Variants in MDM1 observed in about 807,000 individuals in gnomAD.
The protein encoded by MDM1 is stabilizer of axonemal microtubules 6.
Under a neutral mutation model 89.1 loss-of-function variants are expected in MDM1, and 61 were observed. The observed-to-expected ratio is 0.68, with a 90% CI of 0.56 to 0.85. MDM1 has a LOEUF of 0.85. Ranked by LOEUF, MDM1 falls within the 40% of genes least tolerant of loss-of-function variation. The pLI, the probability that MDM1 is intolerant of heterozygous loss-of-function variation, is 0.00. For synonymous variants in MDM1, 290 were observed against 294.1 expected, an observed-to-expected ratio of 0.99 and a Z score of 0.14; for missense variants, 820 against 846.5, an observed-to-expected ratio of 0.97 and a Z score of 0.39.
chr12:68,331,762 C>T (rs1876854798), intron 1 of MDM1, among the ~76,000 whole-genome samples: 1 of 152,190 alleles, frequency 6.6e-6, no homozygotes, highest in Non-Finnish European at 1.5e-5. Context: ...TTTTAACATA[C>T]GCTAAGAATG....
At chr12:68,307,835 G>C (rs1873110716) in intron 12 of MDM1, among the ~76,000 whole-genome samples, 1 of 151,560 alleles carries the variant, frequency 6.6e-6, no homozygotes, top group Non-Finnish European at 1.5e-5. Flanking sequence ...CTATTTGGGA[G>C]GCTGAGGCAT....
chr12:68,325,670 C>T (rs1206003827), intron 3 of MDM1, 95 bp from the exon 4 acceptor site: 73 of 1,372,834 alleles, frequency 5.3e-5, no homozygotes, highest in African/African-American at 1.5e-4. Flanking sequence ...GAAATCTATC[C>T]TCTTAACAAA....
chr12:68,297,010 A>T (rs1871490793), intron 13 of MDM1, 28 bp from the exon 14 acceptor site: 1 of 1,554,234 alleles, frequency 6.4e-7, no homozygotes, highest in African/African-American at 1.4e-5. Flanking sequence ...AGAATAAATT[A>T]TCCTTCAAAA....
At chr12:68,308,992 T>A (rs1206384026) in intron 12 of MDM1, among the ~76,000 whole-genome samples, 1 of 152,178 alleles carries the variant, frequency 6.6e-6, no homozygotes, top group African/African-American at 2.4e-5. Flanking sequence ...TACCAACACC[T>A]CCTACGTGGA....
In MDM1 at chr12:68,311,367, C is replaced by G. The variant is rs1873658496; in HGVS notation, c.1749+2076G>C. Among the ~76,000 whole-genome samples, 3 of 152,184 alleles carry G rather than the reference C, an allele frequency of 2.0e-5. No individual in the cohort carries two copies. In the South Asian group the frequency reaches 6.2e-4, roughly 32 times the overall value. ...TCTCCCACTCTCTGAGAAGACTACT[C>G]TATGCCTTCACTTTCCTCAAATCTC... On this transcript the variant is annotated intron_variant, in intron 12 of 14. Coordinates refer to ENST00000682720, the MANE Select transcript of MDM1 (RefSeq NM_001354969.2).
At chr12:68,318,168 A>G (rs1391986857) in intron 7 of MDM1, among the ~76,000 whole-genome samples, 2 of 152,230 alleles carry the variant, frequency 1.3e-5, no homozygotes, top group African/African-American at 4.8e-5. Context: ...TTGTCATAAT[A>G]TTGATGGGGG....
intron 8 of MDM1, 51 bp downstream of exon 8, chr12:68,316,530 T>TTAC: frequency 7.0e-7 from 1 of 1,432,160 alleles, no homozygotes; most frequent in Non-Finnish European, 9.4e-7. Flanking sequence ...CCAACTGAAA[T>TTAC]TACACAAGTA....
At chr12:68,329,063 A>C (rs1876416554) in intron 2 of MDM1, among the ~76,000 whole-genome samples, 1 of 152,218 alleles carries the variant, frequency 6.6e-6, no homozygotes, top group Non-Finnish European at 1.5e-5. Context: ...TGAATTTTCC[A>C]GTGTCATAAT....
intron 5 of MDM1, among the ~76,000 whole-genome samples, chr12:68,321,926 T>C (rs1310691766): frequency 6.6e-6 from 1 of 152,244 alleles, no homozygotes. Flanking sequence ...ATCTAAATAA[T>C]GTTACCACAT....
rs1040637996 is a variant in MDM1 at position 68,321,711 on chromosome 12, G to C, written c.802-83C>G. 3.8e-6 allele frequency: 3 copies of C among 782,900 alleles called. No homozygotes were observed. In the African/African-American group the frequency reaches 5.2e-5, roughly 14 times the overall value. The allele number at this position is 782,900 out of a possible 1,614,324, so 48.5% of individuals were successfully genotyped here. On this transcript the variant is annotated intron_variant, in intron 5 of 14. Coordinates refer to ENST00000682720, the MANE Select transcript of MDM1 (RefSeq NM_001354969.2). Reference sequence around the variant, plus strand: ...ACATGCATGTTATAAAGTTAGACTTGAATATTTAATGACATTTCTATTTTT... The same window carrying C: ...ACATGCATGTTATAAAGTTAGACTTCAATATTTAATGACATTTCTATTTTT...
chr12:68,332,326 C>G lies in MDM1; in HGVS notation c.-81G>C, dbSNP rs1000736385. ...GAGGGGGCGGGGCGATAACAGTGTT[C>G]CCTAGCAAAGCCTCGGCCCGGCGTC... is the stretch of plus-strand genomic sequence containing the variant. On this transcript the variant is annotated 5_prime_UTR_variant, in exon 1 of 15. Coordinates refer to ENST00000682720, the MANE Select transcript of MDM1 (RefSeq NM_001354969.2). The G allele has an allele frequency of 4.8e-6, 7 of 1,462,378 alleles. No individual in the cohort carries two copies. The African/African-American group carries it at 1.0e-4, about 21-fold the overall frequency. The allele number at this position is 1,462,378 out of a possible 1,614,324, so 90.6% of individuals were successfully genotyped here.
chr12:68,318,775 C>T (rs1874828458), intron 7 of MDM1, among the ~76,000 whole-genome samples: 1 of 152,162 alleles, frequency 6.6e-6, no homozygotes, highest in African/African-American at 2.4e-5. Context: ...GTAATGTTAT[C>T]ATATTATATA....
Position 68,302,744 on chromosome 12 carries a change from T to C in MDM1, c.1878A>G (p.Ser626=), listed in dbSNP as rs781457793. ...HKFAEATLPV[S]KIPKYPTNPP... The stretch of plus-strand genomic sequence containing the variant: ...GATTTGTTGGGTATTTTGGAATTTT[T>C]GAAACTGGAAGAGTTGCCTCAGCAA... Residue 626 remains serine, a synonymous_variant, in exon 13 of 15, where the codon TCA becomes TCG. Coordinates refer to ENST00000682720, the MANE Select transcript of MDM1 (RefSeq NM_001354969.2). The C allele has an allele frequency of 1.9e-6, 3 of 1,614,114 alleles. No homozygotes were observed. Among genetic ancestry groups the C allele is most frequent in the South Asian group, 1.1e-5 (1 of 91,074 alleles).
chr12:68,309,484 A>C (rs368677523), intron 12 of MDM1, among the ~76,000 whole-genome samples: 13 of 152,328 alleles, frequency 8.5e-5, no homozygotes, highest in African/African-American at 3.1e-4. Flanking sequence ...ATTAACATGT[A>C]TCTCCCTTAC....
At chr12:68,306,422 T>C (rs548530130) in intron 12 of MDM1, among the ~76,000 whole-genome samples, 2 of 151,784 alleles carry the variant, frequency 1.3e-5, no homozygotes, top group East Asian at 1.9e-4. Flanking sequence ...ATTGGGACTT[T>C]TGCACAGCAA....
intron 5 of MDM1, among the ~76,000 whole-genome samples, chr12:68,322,768 T>TGACTTTGATACTAAACTTATTA (rs1875404266): frequency 6.6e-6 from 1 of 152,246 alleles, no homozygotes; most frequent in African/African-American, 2.4e-5. Context: ...TAAACTTACT[T>TGACTTTGATACTAAACTTATTA]GACTTTGATA....
At chr12:68,298,246 G>A (rs923458686) in intron 13 of MDM1, among the ~76,000 whole-genome samples, 7 of 152,174 alleles carry the variant, frequency 4.6e-5, no homozygotes, top group African/African-American at 1.7e-4. Flanking sequence ...TCCTGAATCT[G>A]TCTACGTGAC....
intron 2 of MDM1, among the ~76,000 whole-genome samples, chr12:68,329,537 G>T (rs531792713): frequency 6.6e-5 from 10 of 152,246 alleles, no homozygotes; most frequent in Admixed American, 2.6e-4. Context: ...AACCCTCCCA[G>T]TAATCCTATG....
chr12:68,322,414 C>A (rs1269518619), intron 5 of MDM1, among the ~76,000 whole-genome samples: 3 of 152,192 alleles, frequency 2.0e-5, no homozygotes, highest in African/African-American at 7.2e-5. Flanking sequence ...AGGCGGATCA[C>A]CTGAGGCTAG....
Sources: allele counts gnomAD v4.1 joint callset (sites outside exome capture counted in the v4.1 genomes callset), GRCh38; gene constraint gnomAD v4.1.1; transcripts MANE v1.5; gene names NCBI Gene and HGNC (gene_info 2026-07-23, HGNC 2026-07-21).